The following UBL3 variants were observed in gnomAD, a reference collection of about 807,000 sequenced individuals.
The protein encoded by UBL3 is ubiquitin-like protein 3.
Under a neutral mutation model 18.4 loss-of-function variants are expected in UBL3, and 6 were observed. The ratio of observed to expected loss-of-function variants is 0.33; its 90% CI spans 0.18 to 0.64. UBL3 has a LOEUF of 0.64. Among genes scored for constraint, UBL3 ranks in the 30% least tolerant of loss-of-function variants. The pLI, the probability that UBL3 is intolerant of heterozygous loss-of-function variation, is 0.76. For missense variants in UBL3, 109 were observed against 142.9 expected (o/e 0.76, Z 1.21); for synonymous variants, 49 against 46.6 (o/e 1.05, Z -0.21).
intron 1 of UBL3, chr13:29,779,226 T>C (rs773076963): frequency 2.6e-5 from 13 of 507,780 alleles, no homozygotes; most frequent in Non-Finnish European, 1.6e-5. Context: ...CAACACAATA[T>C]GAATTTCAGT....
intron 1 of UBL3, among the ~76,000 whole-genome samples, chr13:29,840,093 T>TA (rs79776886): frequency 1 from 152,190 of 152,192 alleles, 76,094 homozygotes; most frequent in Middle Eastern, 1. Flanking sequence ...AAACAACATT[T>TA]ATCTGAAAAT....
intron 2 of UBL3, 152 bp downstream of exon 2, chr13:29,777,003 G>A: frequency 2.0e-6 from 1 of 492,948 alleles, no homozygotes; most frequent in Non-Finnish European, 3.4e-6. Flanking sequence ...AGCAAGATAA[G>A]GAAGGGTACA....
chr13:29,847,749 C>T (rs1472444538), intron 1 of UBL3, among the ~76,000 whole-genome samples: 2 of 152,094 alleles, frequency 1.3e-5, no homozygotes, highest in African/African-American at 2.4e-5. Flanking sequence ...AATCTTTGCT[C>T]GAGGCGATGA....
At chr13:29,806,300 A>G (rs1877898817) in intron 1 of UBL3, among the ~76,000 whole-genome samples, 1 of 152,240 alleles carries the variant, frequency 6.6e-6, no homozygotes, top group Admixed American at 6.5e-5. Context: ...TTTATTACTC[A>G]GCAAGTGAGT....
intron 1 of UBL3, among the ~76,000 whole-genome samples, chr13:29,821,353 T>G (rs1878436814): frequency 6.6e-6 from 1 of 152,196 alleles, no homozygotes; most frequent in African/African-American, 2.4e-5. Context: ...AAGCTGTGTA[T>G]ACATACCAGG....
intron 1 of UBL3, among the ~76,000 whole-genome samples, chr13:29,834,827 T>C (rs1410409182): frequency 6.6e-6 from 1 of 151,810 alleles, no homozygotes; most frequent in Non-Finnish European, 1.5e-5. Context: ...CTTAGCTAGC[T>C]GGCTTCAGGA....
intron 1 of UBL3, among the ~76,000 whole-genome samples, chr13:29,792,210 T>C (rs909745110): frequency 2.0e-5 from 3 of 152,226 alleles, no homozygotes; most frequent in African/African-American, 4.8e-5. Context: ...TTCAAAGATA[T>C]ACATGTAACT....
intron 2 of UBL3, among the ~76,000 whole-genome samples, chr13:29,776,451 T>C (rs919035632): frequency 6.6e-6 from 1 of 151,910 alleles, no homozygotes; most frequent in Non-Finnish European, 1.5e-5. Context: ...TTAGCAGTGA[T>C]GACATCTTGC....
chr13:29,831,583 C>T (rs1244150955), intron 1 of UBL3, among the ~76,000 whole-genome samples: 2 of 145,484 alleles, frequency 1.4e-5, no homozygotes, highest in African/African-American at 5.1e-5. Context: ...AGCAAAACTC[C>T]GTCTCAAAAG....
At chr13:29,822,803 T>C (rs958650812) in intron 1 of UBL3, among the ~76,000 whole-genome samples, 1 of 152,210 alleles carries the variant, frequency 6.6e-6, no homozygotes, top group African/African-American at 2.4e-5. Flanking sequence ...GGTTTTCTTT[T>C]GAGTGAGTGT....
chr13:29,812,852 A>G (rs1317271988), intron 1 of UBL3, among the ~76,000 whole-genome samples: 2 of 152,092 alleles, frequency 1.3e-5, no homozygotes, highest in Admixed American at 6.6e-5. Context: ...TTTTGTATCA[A>G]TTAGATGTTG....
intron 1 of UBL3, among the ~76,000 whole-genome samples, chr13:29,813,497 ACT>A (rs1166274121): frequency 6.6e-6 from 1 of 152,034 alleles, no homozygotes; most frequent in Admixed American, 6.6e-5. Context: ...TATCCTCGAG[ACT>A]CTGCATTCAC....
chr13:29,838,891 T>A (rs1879023975), intron 1 of UBL3, among the ~76,000 whole-genome samples: 1 of 151,906 alleles, frequency 6.6e-6, no homozygotes, highest in African/African-American at 2.4e-5. Flanking sequence ...TCATCTTACG[T>A]ATAAGGACGA....
intron 1 of UBL3, among the ~76,000 whole-genome samples, chr13:29,795,751 C>T (rs9578137): frequency 2.5e-5 from 3 of 117,860 alleles, no homozygotes; most frequent in Non-Finnish European, 5.1e-5. Context: ...AAGGCCTCAT[C>T]TCAGAAAAAA....
intron 1 of UBL3, among the ~76,000 whole-genome samples, chr13:29,803,188 T>C (rs926537692): frequency 2.0e-5 from 3 of 152,088 alleles, no homozygotes; most frequent in Non-Finnish European, 2.9e-5. Context: ...ATAAATAAGA[T>C]CCTTTTTAGA....
intron 1 of UBL3, among the ~76,000 whole-genome samples, chr13:29,839,660 G>A (rs1379280546): frequency 6.6e-6 from 1 of 152,168 alleles, no homozygotes; most frequent in Non-Finnish European, 1.5e-5. Context: ...GGGCGCAGTG[G>A]CTCACGCCTG....
rs566740616 is a variant in UBL3, at chr13:29,825,369, T to C, written c.27+24143A>G. ...TTCTTCCATTTGCTTGTGTCCTCTT[T>C]TATTTCGTTGAGCAGTGGTTTGTAG... On this transcript the variant is annotated intron_variant, in intron 1 of 4. Coordinates refer to ENST00000380680, the MANE Select transcript of UBL3 (RefSeq NM_007106.4). Among the ~76,000 whole-genome samples the C allele has an allele frequency of 3.3e-4, 50 of 152,320 alleles. 1 individual carries two copies. The South Asian group carries it at 9.8e-3, about 30-fold the overall frequency.
At chr13:29,805,442 T>C (rs1741411025) in intron 1 of UBL3, among the ~76,000 whole-genome samples, 1 of 152,188 alleles carries the variant, frequency 6.6e-6, no homozygotes, top group South Asian at 2.1e-4. Flanking sequence ...CTTCCAAGAG[T>C]CTGATATGTC....
chr13:29,837,601 CCTATAATCCCAACA>C (rs1224175265), intron 1 of UBL3, among the ~76,000 whole-genome samples: 1 of 152,048 alleles, frequency 6.6e-6, no homozygotes, highest in African/African-American at 2.4e-5. Flanking sequence ...GGGCCAGGTG[CCTATAATCCCAACA>C]CTTTGTAATC....
Sources: allele counts gnomAD v4.1 joint callset (sites outside exome capture counted in the v4.1 genomes callset), GRCh38; gene constraint gnomAD v4.1.1; transcripts MANE v1.5; gene names NCBI Gene and HGNC (gene_info 2026-07-23, HGNC 2026-07-21).